Variants in MRE11 observed in about 807,000 individuals in gnomAD.
MRE11 encodes double-strand break repair protein MRE11.
In MRE11, 62 loss-of-function variants were observed where a neutral mutation model predicts 91.7. That is an observed-to-expected ratio of 0.68 (90% confidence interval 0.55 to 0.84). MRE11 has a LOEUF of 0.84. Ranked by LOEUF, MRE11 falls within the 40% of genes least tolerant of loss-of-function variation. The pLI, the probability that MRE11 is intolerant of heterozygous loss-of-function variation, is 0.00. For synonymous variants in MRE11, 273 were observed against 271.4 expected (o/e 1.01, Z -0.06); for missense variants, 796 against 852.9 (o/e 0.93, Z 0.83).
chr11:94,507,845 A>G, the MRE11 span, among the ~76,000 whole-genome samples: 1 of 151,500 alleles, frequency 6.6e-6, no homozygotes, highest in Admixed American at 6.6e-5. Context: ...CACGTTTCCT[A>G]TTTTTAGAAG....
chr11:94,460,455 T>A lies in MRE11; in HGVS notation c.1326+481A>T, dbSNP rs13447662. ...CATCCAAATGTGAGAAAACTAAATC[T>A]GGATTGAGATCTTTGTAACAGAGAT... On this transcript the variant is annotated intron_variant, in intron 12 of 19. Transcript: ENST00000323929. Among the ~76,000 whole-genome samples the A allele has an allele frequency of 5.6e-4, 85 of 152,338 alleles. 1 individual carries two copies. Among genetic ancestry groups the A allele is most frequent in the African/African-American group, 1.9e-3 (77 of 41,580 alleles).
At chr11:94,494,351 G>A (rs1039940070), upstream of MRE11, among the ~76,000 whole-genome samples, 3 of 152,192 alleles carry the variant, frequency 2.0e-5, no homozygotes, top group Admixed American at 1.3e-4. Flanking sequence ...CATCTGCACT[G>A]CTTTGTGCTG....
upstream of MRE11, chr11:94,496,733 C>G: frequency 1.2e-6 from 2 of 1,607,240 alleles, no homozygotes; most frequent in Non-Finnish European, 1.7e-6. Context: ...AATACCAGAC[C>G]AAGAGAATTC....
intron 10 of MRE11, among the ~76,000 whole-genome samples, chr11:94,465,528 T>A (rs1946540238): frequency 6.6e-6 from 1 of 151,904 alleles, no homozygotes; most frequent in Non-Finnish European, 1.5e-5. Context: ...CCCAAGTAGT[T>A]GGGATTACAG....
chr11:94,507,170 T>C, the MRE11 span, among the ~76,000 whole-genome samples: 76,455 of 151,956 alleles, frequency 0.5, 19,911 homozygotes, highest in Non-Finnish European at 0.57. Flanking sequence ...AAGGTAACTA[T>C]AATCTAACTT....
intron 5 of MRE11, among the ~76,000 whole-genome samples, chr11:94,479,413 T>C (rs1009598419): frequency 2.0e-5 from 3 of 152,182 alleles, no homozygotes; most frequent in African/African-American, 7.2e-5. Context: ...ATACAGATGT[T>C]AGGTGTTCAC....
At chr11:94,510,865 A>G in the MRE11 span, among the ~76,000 whole-genome samples, 4 of 152,364 alleles carry the variant, frequency 2.6e-5, no homozygotes, top group East Asian at 7.7e-4. Context: ...CAAACATGTC[A>G]ACAACTCTGT....
At chr11:94,444,764 A>G (rs1330133806) in intron 16 of MRE11, among the ~76,000 whole-genome samples, 1 of 152,130 alleles carries the variant, frequency 6.6e-6, no homozygotes, top group Admixed American at 6.5e-5. Flanking sequence ...TCTGAGAATT[A>G]GTTCAGCTCC....
intron 6 of MRE11, 42 bp downstream of exon 6, chr11:94,478,693 G>C (rs1201001189): frequency 1.9e-6 from 3 of 1,606,462 alleles, no homozygotes; most frequent in Non-Finnish European, 2.6e-6. Context: ...ATTGTTTAAA[G>C]AATCACACAT....
At chr11:94,497,528 G>A (rs993603578), upstream of MRE11, 1 of 156,786 alleles carries the variant, frequency 6.4e-6, no homozygotes, top group African/African-American at 2.4e-5. Context: ...CATTTAACCA[G>A]AGGCCCATAG....
At chr11:94,427,599 TCTCTCTTTG>T (rs1945358645) in intron 19 of MRE11, among the ~76,000 whole-genome samples, 1 of 151,844 alleles carries the variant, frequency 6.6e-6, no homozygotes, top group Non-Finnish European at 1.5e-5. Flanking sequence ...GAAGTCAAAC[TCTCTCTTTG>T]CTGACGATAT....
At chr11:94,425,914 G>C (rs1164101952) in intron 19 of MRE11, among the ~76,000 whole-genome samples, 1 of 152,190 alleles carries the variant, frequency 6.6e-6, no homozygotes, top group Non-Finnish European at 1.5e-5. Flanking sequence ...GACAGTGTTA[G>C]AAAGAACATC....
At chr11:94,474,599 C>T (rs887857122) in intron 7 of MRE11, among the ~76,000 whole-genome samples, 5 of 151,906 alleles carry the variant, frequency 3.3e-5, no homozygotes, top group Non-Finnish European at 5.9e-5. Context: ...CTAAAATTAG[C>T]GAGTAAAAGT....
intron 2 of MRE11, among the ~76,000 whole-genome samples, chr11:94,491,582 T>G (rs1947284302): frequency 6.6e-6 from 1 of 152,218 alleles, no homozygotes; most frequent in Non-Finnish European, 1.5e-5. Context: ...TATGAAATAC[T>G]TTTATTTTTA....
chr11:94,472,095 A>C (rs1946732494), intron 7 of MRE11, among the ~76,000 whole-genome samples: 1 of 152,066 alleles, frequency 6.6e-6, no homozygotes, highest in Non-Finnish European at 1.5e-5. Context: ...AGAAATCTAT[A>C]AATCAGTCTA....
chr11:94,425,413 T>C (rs1411569621), intron 19 of MRE11, among the ~76,000 whole-genome samples: 1 of 152,122 alleles, frequency 6.6e-6, no homozygotes, highest in Non-Finnish European at 1.5e-5. Context: ...GGACATAGCT[T>C]AGAGACACTA....
chr11:94,426,680 AGAG>A (rs1010424941), intron 19 of MRE11, among the ~76,000 whole-genome samples: 1 of 152,162 alleles, frequency 6.6e-6, no homozygotes, highest in African/African-American at 2.4e-5. Flanking sequence ...CAAAGGAAAA[AGAG>A]AAGATCCAAC....
intron 17 of MRE11, 69 bp downstream of exon 17, chr11:94,437,106 CAG>C (rs748327694): frequency 2.6e-4 from 342 of 1,314,368 alleles, no homozygotes; most frequent in Non-Finnish European, 3.4e-4. Flanking sequence ...CTTTGTAAAT[CAG>C]AGAGTTGACA....
chr11:94,471,629 A>G lies in MRE11; in HGVS notation c.790T>C (p.Ser264Pro). Reference protein sequence around the residue: ...TKNEQQLFYISQPGSSVVTSL... With the variant: ...TKNEQQLFYIPQPGSSVVTSL... Reference sequence around the variant, plus strand: ...GTAACCACTGAGCTTCCAGGTTGTGAGATATAAAACAGCTGTTGTTCATTT... The same window carrying G: ...GTAACCACTGAGCTTCCAGGTTGTGGGATATAAAACAGCTGTTGTTCATTT... The change falls in exon 8 of 20, where the codon TCA becomes CCA. Residue 264 changes from serine to proline, a missense_variant. Transcript: ENST00000323929. 6.2e-7 allele frequency: 1 copy of G among 1,612,858 alleles called. No individual in the cohort carries two copies.
Sources: gnomAD v4.1 joint callset for allele counts (sites outside exome capture counted in the v4.1 genomes callset) on GRCh38, gnomAD v4.1.1 for gene constraint, MANE v1.5 for transcripts, NCBI Gene and HGNC (gene_info 2026-07-23, HGNC 2026-07-21) for gene names.